Variants in DSCAML1 observed in about 807,000 individuals in gnomAD.
DSCAML1 encodes DS cell adhesion molecule like 1.
DSCAML1 carries 38 observed loss-of-function variants against 200.5 expected under a neutral mutation model. That is an observed-to-expected ratio of 0.19 (90% CI 0.15 to 0.25). The LOEUF (loss-of-function observed/expected upper bound fraction) is 0.25, where lower values mean the gene tolerates loss of function less well. Ranked by LOEUF, DSCAML1 falls within the 10% of genes least tolerant of loss-of-function variation. The pLI is 1.00. For synonymous variants in DSCAML1, 1,215 were observed against 1,165.0 expected, an observed-to-expected ratio of 1.04 and a Z score of -0.87; for missense variants, 2,223 against 2,858.8, an observed-to-expected ratio of 0.78 and a Z score of 5.07.
chr11:117,787,018 C>T (rs2055368312), intron 1 of DSCAML1, among the ~76,000 whole-genome samples: 1 of 152,190 alleles, frequency 6.6e-6, no homozygotes, highest in Non-Finnish European at 1.5e-5. Context: ...TCCCCGAGGG[C>T]AGTGACTGTC....
intron 20 of DSCAML1, among the ~76,000 whole-genome samples, chr11:117,448,722 T>C (rs543277656): frequency 6.6e-6 from 1 of 152,262 alleles, no homozygotes; most frequent in South Asian, 2.1e-4. Context: ...ACCAAGTGTC[T>C]GTGCTGATGT....
rs1412117816 is a variant in DSCAML1, at chr11:117,443,936, G to A, written c.3812C>T (p.Ala1271Val). 1.2e-6 allele frequency: 2 copies of A among 1,613,114 alleles called. No homozygotes were observed. Among genetic ancestry groups the A allele is most frequent in the Non-Finnish European group, 1.7e-6 (2 of 1,179,758 alleles). Reference sequence around the variant, plus strand: ...CTTCTCGCTGCTGTTGCCCCGGCCGGCAGAGGTGACGGCGGCCACCCACAG... The same window carrying A: ...CTTCTCGCTGCTGTTGCCCCGGCCGACAGAGGTGACGGCGGCCACCCACAG... The part of the protein sequence containing the change: ...YLLWVAAVTS[A>V]GRGNSSEKVT... The change falls in exon 21 of 33, where the codon GCC becomes GTC. Residue 1271 changes from alanine to valine, a missense_variant. This residue lies in a region of DSCAML1 where 614 missense variants were observed against 739.1 expected (regional missense o/e 0.83). Coordinates refer to ENST00000651296, the MANE Select transcript of DSCAML1 (RefSeq NM_020693.4).
chr11:117,799,708 A>C (rs977509862), upstream of DSCAML1, among the ~76,000 whole-genome samples: 2 of 152,224 alleles, frequency 1.3e-5, no homozygotes, highest in African/African-American at 4.8e-5. Context: ...GCCACTTGCC[A>C]GCTGTGTGCC....
At chr11:117,562,660 GTGAA>G (rs1050268309) in intron 3 of DSCAML1, among the ~76,000 whole-genome samples, 2 of 152,226 alleles carry the variant, frequency 1.3e-5, no homozygotes, top group African/African-American at 4.8e-5. Context: ...TAGGCACCTT[GTGAA>G]TGAATGAATG....
chr11:117,814,885 T>C (rs1357684248), intron 1 of DSCAML1, among the ~76,000 whole-genome samples: 1 of 152,196 alleles, frequency 6.6e-6, no homozygotes, highest in African/African-American at 2.4e-5. Flanking sequence ...TGGGAGCATA[T>C]GGTCCTCGGA....
intron 3 of DSCAML1, among the ~76,000 whole-genome samples, chr11:117,706,127 A>G (rs917690815): frequency 1.3e-4 from 20 of 152,116 alleles, no homozygotes. Flanking sequence ...TGAGCAGCTC[A>G]TCTCCTCACA....
At chr11:117,599,223 T>C (rs891846593) in intron 3 of DSCAML1, among the ~76,000 whole-genome samples, 20 of 152,178 alleles carry the variant, frequency 1.3e-4, no homozygotes, top group African/African-American at 4.3e-4. Context: ...TGTATTTTGG[T>C]TGCTACCAGG....
chr11:117,479,242 G>GA (rs2048859393), intron 14 of DSCAML1, among the ~76,000 whole-genome samples: 1 of 152,244 alleles, frequency 6.6e-6, no homozygotes, highest in South Asian at 2.1e-4. Context: ...GAAGCTTCAG[G>GA]AGAAAACGAA....
At chr11:117,769,921 A>G (rs1172792431) in intron 3 of DSCAML1, among the ~76,000 whole-genome samples, 1 of 152,108 alleles carries the variant, frequency 6.6e-6, no homozygotes, top group Non-Finnish European at 1.5e-5. Context: ...TTCATGAGTT[A>G]AATGGCCCAG....
chr11:117,616,430 T>C (rs1428077138), intron 3 of DSCAML1, among the ~76,000 whole-genome samples: 2 of 152,240 alleles, frequency 1.3e-5, no homozygotes, highest in African/African-American at 4.8e-5. Context: ...TACTGATGTA[T>C]ACAGGTTGTT....
At chr11:117,486,578 C>T (rs549131554) in intron 11 of DSCAML1, among the ~76,000 whole-genome samples, 3 of 152,312 alleles carry the variant, frequency 2.0e-5, no homozygotes, top group Admixed American at 6.5e-5. Context: ...GGAATACTGC[C>T]AGCTTCCTTC....
intron 3 of DSCAML1, among the ~76,000 whole-genome samples, chr11:117,660,524 C>A (rs1418576115): frequency 1.3e-5 from 2 of 152,132 alleles, no homozygotes; most frequent in African/African-American, 4.8e-5. Context: ...TCGTGTAGAT[C>A]TCATCCTCCA....
At chr11:117,445,249 C>T (rs2048153567) in intron 20 of DSCAML1, among the ~76,000 whole-genome samples, 1 of 152,212 alleles carries the variant, frequency 6.6e-6, no homozygotes, top group South Asian at 2.1e-4. Context: ...AAGGCACAGG[C>T]ATCTCTGCAA....
chr11:117,493,186 C>A (rs919764783), intron 11 of DSCAML1, among the ~76,000 whole-genome samples: 2 of 152,180 alleles, frequency 1.3e-5, no homozygotes, highest in African/African-American at 4.8e-5. Context: ...ACTCGCCAGG[C>A]CTTACTTTGT....
chr11:117,678,673 G>A (rs1041898601), intron 3 of DSCAML1, among the ~76,000 whole-genome samples: 5 of 152,224 alleles, frequency 3.3e-5, no homozygotes, highest in African/African-American at 1.2e-4. Flanking sequence ...AACACTCCAG[G>A]AAGCAGAACG....
chr11:117,690,990 C>T (rs2053483417), intron 3 of DSCAML1, among the ~76,000 whole-genome samples: 2 of 152,128 alleles, frequency 1.3e-5, no homozygotes. Flanking sequence ...CTAGGGCTCC[C>T]GTGACACATG....
At chr11:117,800,443 G>C (rs1217067501), upstream of DSCAML1, among the ~76,000 whole-genome samples, 6 of 152,236 alleles carry the variant, frequency 3.9e-5, no homozygotes, top group African/African-American at 1.4e-4. Context: ...AACAAACACA[G>C]TTGCCCAGGC....
chr11:117,480,189 G>A lies in DSCAML1; in HGVS notation c.2785+254C>T, dbSNP rs79957126. ...GACCACCCTTGGGGACCCTGGCCCA[G>A]GGACAGTCCTGGAAAGGAGCTGACA... is the stretch of plus-strand genomic sequence containing the variant. On this transcript the variant is annotated intron_variant, in intron 14 of 32. Coordinates refer to ENST00000651296, the MANE Select transcript of DSCAML1 (RefSeq NM_020693.4). The surrounding 1 kb of genome is among the most constrained non-coding windows in gnomAD (Gnocchi z 4.1). Among the ~76,000 whole-genome samples, 1,887 of 152,320 alleles carry A rather than the reference G, an allele frequency of 0.012. 43 individuals carry two copies. The highest frequency in any genetic ancestry group is 0.043 in the African/African-American group (1,798 of 41,562).
Position 117,780,787 on chromosome 11 carries a change from T to C in DSCAML1, c.70A>G (p.Ser24Gly). The change falls in exon 2 of 33, where the codon AGC becomes GGC. Residue 24 changes from serine to glycine, a missense_variant. By Grantham distance (56) the Ser-to-Gly change is moderately conservative (BLOSUM62 0). Transcript: ENST00000651296. The surrounding 1 kb of genome is among the most constrained non-coding windows in gnomAD (Gnocchi z 4.8). ...HKARPEDVGT[S>G]LYFVNDSLQQ... ...AAGGAGTCATTTACAAAGTAGAGGC[T>C]GGTGCCAACATCTTCAGGGCGGGCT... 2 of 1,478,634 alleles carry C rather than the reference T, an allele frequency of 1.4e-6. No individual in the cohort carries two copies. The highest frequency in any genetic ancestry group is 1.8e-6 in the Non-Finnish European group (2 of 1,116,248). The allele number at this position is 1,478,634 out of a possible 1,614,324, so 91.6% of individuals were successfully genotyped here.
Sources: gnomAD v4.1 joint callset for allele counts (sites outside exome capture counted in the v4.1 genomes callset) on GRCh38, gnomAD v4.1.1 for gene constraint, gnomAD v4.1.1 regional missense constraint, Gnocchi (gnomAD v3.1) non-coding constraint, MANE v1.5 for transcripts, NCBI Gene and HGNC (gene_info 2026-07-23, HGNC 2026-07-21) for gene names.